Variants in NRXN1 observed in about 807,000 individuals in gnomAD.
NRXN1 encodes the protein neurexin-1.
NRXN1 carries 39 observed loss-of-function variants against 150.9 expected under a neutral mutation model. The ratio of observed to expected loss-of-function variants is 0.26; its 90% CI spans 0.20 to 0.34. The LOEUF (loss-of-function observed/expected upper bound fraction) is 0.34, where lower values mean the gene tolerates loss of function less well. Among genes scored for constraint, NRXN1 ranks in the 10% least tolerant of loss-of-function variants. The pLI is 1.00. For missense variants in NRXN1, 1,815 were observed against 1,949.9 expected (o/e 0.93, Z 1.30); for synonymous variants, 924 against 757.0 (o/e 1.22, Z -3.62).
chr2:50,504,189 T>C (rs2092106466), intron 13 of NRXN1, among the ~76,000 whole-genome samples: 1 of 146,802 alleles, frequency 6.8e-6, no homozygotes, highest in East Asian at 2.0e-4. Context: ...CGCACTGTGC[T>C]GGAGGGGAAA....
At position 49,922,195 on chromosome 2, in the gene NRXN1, G is replaced by C. The variant is rs749698919; in HGVS notation, c.4273C>G (p.Arg1425Gly). The change falls in exon 23 of 23, where the codon CGG (arginine) becomes GGG (glycine). Residue 1425 changes from arginine (R) to glycine (G), a missense_variant. Arg to Gly is a moderately radical substitution (Grantham distance 125, BLOSUM62 -2). Around this residue, in one of 6 missense-constraint regions of NRXN1, gnomAD observed 265 missense variants for 307.1 expected, o/e 0.86. Coordinates refer to ENST00000401669, the MANE Select transcript of NRXN1 (RefSeq NM_001330078.2). ...ATACCCGTGGTGCTGCTGGACTCCC[G>C]GATCACTTCTGCTGAGCCTGGATAC... Reference protein sequence around the residue: ...EPYPGSAEVIRESSSTTGMVV... With the variant: ...EPYPGSAEVIGESSSTTGMVV... 1 of 1,614,118 alleles carries C rather than the reference G, an allele frequency of 6.2e-7. No individual in the cohort carries two copies. The highest frequency in any genetic ancestry group is 1.1e-5 in the South Asian group (1 of 91,070).
At chr2:50,215,351 A>G (rs1245694174) in intron 18 of NRXN1, among the ~76,000 whole-genome samples, 1 of 152,056 alleles carries the variant, frequency 6.6e-6, no homozygotes, top group African/African-American at 2.4e-5. Context: ...ACTATATGTT[A>G]TGTGTCAGTG....
intron 5 of NRXN1, chr2:50,624,955 G>A (rs1680740220): frequency 6.6e-6 from 1 of 152,002 alleles, no homozygotes; most frequent in African/African-American, 2.4e-5. Flanking sequence ...TGACTTTCTA[G>A]GCAGTAATGA....
At chr2:51,006,727 C>G (rs1037345480) in intron 2 of NRXN1, among the ~76,000 whole-genome samples, 89 of 152,010 alleles carry the variant, frequency 5.9e-4, no homozygotes, top group African/African-American at 2.1e-3. Context: ...CAACATCTTG[C>G]CTCTGTGCAC....
At chr2:50,448,245 A>C (rs2086634614) in intron 17 of NRXN1, among the ~76,000 whole-genome samples, 2 of 152,140 alleles carry the variant, frequency 1.3e-5, no homozygotes, top group Non-Finnish European at 2.9e-5. Flanking sequence ...CCACCAAAGA[A>C]CATTTTCCTC....
At chr2:50,536,072 C>T (rs1248090001) in intron 10 of NRXN1, among the ~76,000 whole-genome samples, 4 of 152,072 alleles carry the variant, frequency 2.6e-5, no homozygotes, top group African/African-American at 4.8e-5. Context: ...ATTGGAAATT[C>T]GGAGGTTCAG....
chr2:50,679,149 G>A (rs1255748686), intron 5 of NRXN1, among the ~76,000 whole-genome samples: 1 of 151,988 alleles, frequency 6.6e-6, no homozygotes, highest in African/African-American at 2.4e-5. Flanking sequence ...AGAGTATGTG[G>A]AAAAGTAGAT....
chr2:50,167,718 G>A (rs1423028759), intron 18 of NRXN1, among the ~76,000 whole-genome samples: 1 of 152,102 alleles, frequency 6.6e-6, no homozygotes, highest in Non-Finnish European at 1.5e-5. Flanking sequence ...GAGTTAACTA[G>A]GGACCTTTAA....
chr2:50,920,291 T>G (rs919400028), intron 5 of NRXN1, among the ~76,000 whole-genome samples: 1 of 151,758 alleles, frequency 6.6e-6, no homozygotes, highest in East Asian at 1.9e-4. Flanking sequence ...AGAAAACATT[T>G]AAGACTGACA....
At chr2:50,760,048 ACT>A (rs1381280206) in intron 5 of NRXN1, among the ~76,000 whole-genome samples, 1 of 151,356 alleles carries the variant, frequency 6.6e-6, no homozygotes, top group African/African-American at 2.4e-5. Flanking sequence ...ACTTCAAGAA[ACT>A]CTATTTAGTG....
chr2:50,010,908 C>G (rs1685553772), intron 21 of NRXN1, among the ~76,000 whole-genome samples: 1 of 152,212 alleles, frequency 6.6e-6, no homozygotes, highest in Admixed American at 6.5e-5. Flanking sequence ...CTACATGAAA[C>G]ATTAATGACA....
intron 17 of NRXN1, among the ~76,000 whole-genome samples, chr2:50,393,497 T>G (rs988767676): frequency 6.6e-6 from 1 of 152,110 alleles, no homozygotes; most frequent in Non-Finnish European, 1.5e-5. Context: ...GAAGTAAAGA[T>G]ATTTTGGCTG....
At chr2:50,206,228 T>TAC (rs66795755) in intron 18 of NRXN1, among the ~76,000 whole-genome samples, 7,107 of 106,328 alleles carry the variant, frequency 0.067, 302 homozygotes, top group East Asian at 0.16. Flanking sequence ...TACACACAAA[T>TAC]ACACACACAC....
chr2:50,918,944 A>G (rs1428227116), intron 5 of NRXN1: 3 of 161,648 alleles, frequency 1.9e-5, no homozygotes, highest in African/African-American at 7.2e-5. Flanking sequence ...AGCTGCCCCA[A>G]AGAAAACTAT....
At chr2:50,075,515 G>A (rs138410142) in intron 19 of NRXN1, among the ~76,000 whole-genome samples, 1 of 152,118 alleles carries the variant, frequency 6.6e-6, no homozygotes, top group Non-Finnish European at 1.5e-5. Context: ...GTTTCTCCAG[G>A]TAAAATTCAG....
intron 18 of NRXN1, among the ~76,000 whole-genome samples, chr2:50,169,345 G>A (rs555945375): frequency 5.3e-4 from 80 of 152,212 alleles, no homozygotes; most frequent in Admixed American, 4.6e-3. Flanking sequence ...TGCCCCAGTG[G>A]AAAAAGATAA....
At chr2:50,926,023 T>C (rs2104334487) in intron 2 of NRXN1, 68 bp from the exon 3 acceptor site, 1 of 1,325,428 alleles carries the variant, frequency 7.5e-7, no homozygotes, top group East Asian at 2.5e-5. Context: ...AGACTGGACC[T>C]TGCCTTTGCA....
intron 5 of NRXN1, among the ~76,000 whole-genome samples, chr2:50,864,803 G>A (rs1286943902): frequency 2.6e-5 from 4 of 151,990 alleles, no homozygotes; most frequent in Non-Finnish European, 5.9e-5. Flanking sequence ...TGAGTGCACT[G>A]TGTCCAAAGC....
intron 18 of NRXN1, among the ~76,000 whole-genome samples, chr2:50,194,766 A>G (rs1403941863): frequency 6.6e-6 from 1 of 152,152 alleles, no homozygotes; most frequent in East Asian, 1.9e-4. Context: ...GATGAATTAG[A>G]GATTCACTTA....
Sources: gnomAD v4.1 joint callset for allele counts (sites outside exome capture counted in the v4.1 genomes callset) on GRCh38, gnomAD v4.1.1 for gene constraint, gnomAD v4.1.1 regional missense constraint, MANE v1.5 for transcripts, NCBI Gene and HGNC (gene_info 2026-07-23, HGNC 2026-07-21) for gene names.